The following PDE4D variants were observed in gnomAD, a reference collection of about 807,000 sequenced individuals.
The protein encoded by PDE4D is phosphodiesterase 4D.
A neutral mutation model predicts 87.4 loss-of-function variants in PDE4D; 24 were observed. The observed-to-expected ratio is 0.27, with a 90% CI of 0.20 to 0.39. The LOEUF is 0.39. PDE4D is among the 10% of genes least tolerant of loss of function. The probability of loss-of-function intolerance (pLI) is 1.00; values close to 1 mark genes in which losing one functional copy is unlikely to be tolerated. For missense variants in PDE4D, 714 were observed against 1,041.0 expected, an observed-to-expected ratio of 0.69 and a Z score of 4.32; for synonymous variants, 384 against 383.2, an observed-to-expected ratio of 1.00 and a Z score of -0.02.
intron 5 of PDE4D, among the ~76,000 whole-genome samples, chr5:59,131,635 C>CACACACAG (rs1303478121): frequency 4.9e-5 from 5 of 102,230 alleles, no homozygotes; most frequent in Non-Finnish European, 1.1e-4. Context: ...CACACACACA[C>CACACACAG]ACACACACAC....
At chr5:59,231,889 A>G (rs1755289099) in intron 1 of PDE4D, among the ~76,000 whole-genome samples, 1 of 152,214 alleles carries the variant, frequency 6.6e-6, no homozygotes, top group South Asian at 2.1e-4. Flanking sequence ...ATAAGTCTAT[A>G]ATCATTACAC....
At chr5:60,252,256 C>G (rs1748557489) in intron 1 of PDE4D, among the ~76,000 whole-genome samples, 2 of 151,852 alleles carry the variant, frequency 1.3e-5, no homozygotes, top group South Asian at 4.1e-4. Context: ...GCTAAAAATA[C>G]ATGGGGGTGG....
rs539936760 is a variant in PDE4D, at chr5:59,154,609, G to A, written c.808+25986C>T. Among the ~76,000 whole-genome samples the A allele has an allele frequency of 2.5e-4, 38 of 152,230 alleles. 1 individual carries two copies. In the South Asian group the frequency reaches 3.3e-3, roughly 13 times the overall value. On this transcript the variant is annotated intron_variant, in intron 5 of 14. Transcript: ENST00000340635. ...ATAAAAATTGTATTCATTTGGGGCC[G>A]AGCATGGTGGCTCACACCTGTAACC...
At chr5:59,602,979 C>A (rs1256198474) in intron 1 of PDE4D, among the ~76,000 whole-genome samples, 1 of 152,000 alleles carries the variant, frequency 6.6e-6, no homozygotes, top group African/African-American at 2.4e-5. Context: ...AACTGTATAT[C>A]CACATGCAGA....
chr5:59,462,904 A>AC (rs1383043842), intron 1 of PDE4D, among the ~76,000 whole-genome samples: 9 of 126,738 alleles, frequency 7.1e-5, no homozygotes, highest in African/African-American at 3.9e-4. Flanking sequence ...AGTTAATTGT[A>AC]AAAAAAAAAA....
At chr5:59,769,070 TTC>T (rs761458699) in intron 1 of PDE4D, among the ~76,000 whole-genome samples, 8 of 143,482 alleles carry the variant, frequency 5.6e-5, no homozygotes, top group South Asian at 4.4e-4. Flanking sequence ...CTTTGTTTTT[TTC>T]TCTCTTTTTT....
At chr5:59,797,779 G>A (rs928579263) in intron 1 of PDE4D, among the ~76,000 whole-genome samples, 1 of 152,084 alleles carries the variant, frequency 6.6e-6, no homozygotes, top group Non-Finnish European at 1.5e-5. Flanking sequence ...GATTATTGGA[G>A]CCTAGAAGAG....
At chr5:60,497,334 G>A (rs1437068398) in intron 1 of PDE4D, among the ~76,000 whole-genome samples, 2 of 152,114 alleles carry the variant, frequency 1.3e-5, no homozygotes, top group Non-Finnish European at 2.9e-5. Context: ...CTAATTGGGG[G>A]GTTAGGTGTT....
intron 1 of PDE4D, among the ~76,000 whole-genome samples, chr5:60,197,785 A>G (rs1241348250): frequency 6.6e-6 from 1 of 151,712 alleles, no homozygotes; most frequent in Non-Finnish European, 1.5e-5. Flanking sequence ...AACAAGGAAA[A>G]TAACAGAGCC....
intron 1 of PDE4D, among the ~76,000 whole-genome samples, chr5:60,486,147 G>A (rs1342531292): frequency 6.6e-6 from 1 of 152,202 alleles, no homozygotes; most frequent in African/African-American, 2.4e-5. Context: ...AGATAAAGCA[G>A]CTTCAACTCT....
At chr5:59,677,692 T>C (rs983565391) in intron 1 of PDE4D, among the ~76,000 whole-genome samples, 2 of 152,232 alleles carry the variant, frequency 1.3e-5, no homozygotes, top group African/African-American at 4.8e-5. Flanking sequence ...CTGATGTTAC[T>C]ATAATGATGT....
intron 1 of PDE4D, among the ~76,000 whole-genome samples, chr5:59,568,083 C>A (rs1159766660): frequency 6.6e-6 from 1 of 152,096 alleles, no homozygotes; most frequent in Non-Finnish European, 1.5e-5. Context: ...ATGGCTGAAT[C>A]TATGATGAGG....
chr5:58,975,132 A>G lies in PDE4D; in HGVS notation c.2014-52T>C, dbSNP rs1322008773. 8.0e-6 allele frequency: 9 copies of G among 1,120,118 alleles called. 1 individual carries two copies. The highest frequency in any genetic ancestry group is 6.1e-5 in the Admixed American group (2 of 33,026). The allele number at this position is 1,120,118 out of a possible 1,614,324, so 69.4% of individuals were successfully genotyped here. On this transcript the variant is annotated intron_variant, in intron 14 of 14. Coordinates refer to ENST00000340635, the MANE Select transcript of PDE4D (RefSeq NM_001104631.2). The surrounding 1 kb of genome is among the most constrained non-coding windows in gnomAD (Gnocchi z 4.2). ...GTAGAGGACTTGGGACTAAGAAACA[A>G]TGGAAAAGCTTAATTAGATCATGGC...
chr5:60,017,778 A>ATAG (rs1179419711), intron 2 of PDE4D, among the ~76,000 whole-genome samples: 1 of 152,142 alleles, frequency 6.6e-6, no homozygotes, highest in Admixed American at 6.5e-5. Flanking sequence ...TATTTTTATA[A>ATAG]TAGAATGATT....
chr5:60,314,857 G>GTGCCACATTTTCTTAATCCAGTCTATCA (rs1755404933), intron 1 of PDE4D, among the ~76,000 whole-genome samples: 1 of 152,154 alleles, frequency 6.6e-6, no homozygotes. Context: ...TGGTGTATAT[G>GTGCCACATTTTCTTAATCCAGTCTATCA]TGCCACATTT....
chr5:59,771,055 C>G (rs1161580836), intron 1 of PDE4D, among the ~76,000 whole-genome samples: 2 of 151,914 alleles, frequency 1.3e-5, no homozygotes, highest in African/African-American at 4.8e-5. Context: ...TTGCTTGAGC[C>G]TGGGAGGTTG....
chr5:60,017,359 G>A (rs1765627571), intron 2 of PDE4D, among the ~76,000 whole-genome samples: 1 of 152,126 alleles, frequency 6.6e-6, no homozygotes. Flanking sequence ...AGATAAATGT[G>A]TGTCCTGGTG....
chr5:59,549,551 G>A (rs907041454), intron 1 of PDE4D, among the ~76,000 whole-genome samples: 4 of 152,026 alleles, frequency 2.6e-5, no homozygotes, highest in East Asian at 3.9e-4. Flanking sequence ...CCAAAACCAA[G>A]AATGATTTCA....
At chr5:59,495,103 C>A (rs992115936) in intron 1 of PDE4D, among the ~76,000 whole-genome samples, 11 of 152,144 alleles carry the variant, frequency 7.2e-5, no homozygotes, top group African/African-American at 2.2e-4. Context: ...TCTTGTCCTG[C>A]CTTTATGATA....
Sources: gnomAD v4.1 joint callset for allele counts (sites outside exome capture counted in the v4.1 genomes callset) on GRCh38, gnomAD v4.1.1 for gene constraint, Gnocchi (gnomAD v3.1) non-coding constraint, MANE v1.5 for transcripts, NCBI Gene and HGNC (gene_info 2026-07-23, HGNC 2026-07-21) for gene names.